Variants in NSD3 observed in about 807,000 individuals in gnomAD.
The protein encoded by NSD3 is nuclear receptor binding SET domain protein 3.
A neutral mutation model predicts 160.8 loss-of-function variants in NSD3; 24 were observed. That is an observed-to-expected ratio of 0.15 (90% CI 0.11 to 0.21). The LOEUF is 0.21. NSD3 is among the 10% of genes least tolerant of loss of function. The probability of loss-of-function intolerance (pLI) is 1.00; values close to 1 mark genes in which losing one functional copy is unlikely to be tolerated. For missense variants in NSD3, 1,157 were observed against 1,735.9 expected, an observed-to-expected ratio of 0.67 and a Z score of 5.93; for synonymous variants, 520 against 600.0, an observed-to-expected ratio of 0.87 and a Z score of 1.95.
At chr8:38,287,925 G>T (rs1808904037) in intron 19 of NSD3, among the ~76,000 whole-genome samples, 1 of 152,100 alleles carries the variant, frequency 6.6e-6, no homozygotes, top group African/African-American at 2.4e-5. Flanking sequence ...TTTTTTAAAA[G>T]GTAGAAAAAT....
intron 4 of NSD3, among the ~76,000 whole-genome samples, chr8:38,333,126 A>G (rs577192887): frequency 6.6e-6 from 1 of 152,356 alleles, no homozygotes; most frequent in South Asian, 2.1e-4. Flanking sequence ...TTCAGATTAA[A>G]AAAACATAGT....
chr8:38,346,360 T>C (rs555538235), intron 2 of NSD3, among the ~76,000 whole-genome samples: 321 of 147,284 alleles, frequency 2.2e-3, no homozygotes, highest in African/African-American at 7.6e-3. Flanking sequence ...ATATAGTATA[T>C]GTATATATGT....
chr8:38,315,145 T>A (rs758776785), intron 11 of NSD3, among the ~76,000 whole-genome samples: 6 of 152,224 alleles, frequency 3.9e-5, no homozygotes, highest in Non-Finnish European at 8.8e-5. Context: ...GTTATTACTT[T>A]AAAATTTTGA....
chr8:38,283,026 T>C (rs1808768468), intron 19 of NSD3, among the ~76,000 whole-genome samples: 1 of 152,202 alleles, frequency 6.6e-6, no homozygotes, highest in South Asian at 2.1e-4. Context: ...TGTTTCCTTA[T>C]TAAGGAAACT....
intron 1 of NSD3, among the ~76,000 whole-genome samples, chr8:38,376,766 A>G (rs960208485): frequency 2.0e-5 from 3 of 152,106 alleles, no homozygotes; most frequent in African/African-American, 7.2e-5. Flanking sequence ...AGGAAGTAAT[A>G]GGTTGTGCTG....
intron 2 of NSD3, among the ~76,000 whole-genome samples, chr8:38,346,849 GA>G (rs1173521253): frequency 1.3e-5 from 2 of 152,074 alleles, no homozygotes; most frequent in African/African-American, 4.8e-5. Flanking sequence ...TCAAAGTTTA[GA>G]AAACATTTGC....
At chr8:38,287,570 C>G (rs1442692129) in intron 19 of NSD3, among the ~76,000 whole-genome samples, 1 of 152,086 alleles carries the variant, frequency 6.6e-6, no homozygotes, top group Non-Finnish European at 1.5e-5. Context: ...TTTCACTCTG[C>G]TATCTTTTTT....
At chr8:38,326,900 C>A (rs758544231) in intron 6 of NSD3, 44 bp from the exon 7 acceptor site, 1 of 1,607,850 alleles carries the variant, frequency 6.2e-7, no homozygotes, top group Non-Finnish European at 8.5e-7. Flanking sequence ...CAGGTGATTA[C>A]CAGGCAAGTG....
chr8:38,298,434 T>A (rs1056246302), intron 15 of NSD3, among the ~76,000 whole-genome samples: 8 of 152,140 alleles, frequency 5.3e-5, no homozygotes, highest in African/African-American at 1.7e-4. Context: ...TTTCTTTTAG[T>A]CATGAGTTGC....
chr8:38,276,896 C>G (rs1808613509), intron 22 of NSD3, among the ~76,000 whole-genome samples: 1 of 152,064 alleles, frequency 6.6e-6, no homozygotes, highest in Admixed American at 6.6e-5. Context: ...CTACATTGCC[C>G]AGGCTGGTCT....
chr8:38,350,615 G>GAGT (rs1810668180), intron 1 of NSD3, among the ~76,000 whole-genome samples: 1 of 152,034 alleles, frequency 6.6e-6, no homozygotes, highest in Admixed American at 6.5e-5. Context: ...GAAGCATCTG[G>GAGT]AGTACTTTTA....
intron 19 of NSD3, among the ~76,000 whole-genome samples, chr8:38,284,027 C>T (rs776236002): frequency 3.3e-5 from 5 of 152,166 alleles, no homozygotes; most frequent in South Asian, 4.1e-4. Flanking sequence ...CACTTGAGCC[C>T]GAGAGTTCAA....
chr8:38,346,411 T>C (rs896819563), intron 2 of NSD3, among the ~76,000 whole-genome samples: 5 of 148,296 alleles, frequency 3.4e-5, no homozygotes, highest in Admixed American at 6.8e-5. Context: ...TATATGTATA[T>C]ATGTGTATAT....
chr8:38,329,944 T>A lies in NSD3; in HGVS notation c.1066-51A>T. 1 of 1,501,920 alleles carries A rather than the reference T, an allele frequency of 6.7e-7. No individual in the cohort carries two copies. The highest frequency in any genetic ancestry group is 8.8e-7 in the Non-Finnish European group (1 of 1,132,668). The allele number at this position is 1,501,920 out of a possible 1,614,324, so 93.0% of individuals were successfully genotyped here. Reference sequence around the variant, plus strand: ...ACATGCTTTACTCTAATAGGTACATTAAAATTGATATGTATTTCCCATGTG... The same window carrying A: ...ACATGCTTTACTCTAATAGGTACATAAAAATTGATATGTATTTCCCATGTG... On this transcript the variant is annotated intron_variant, in intron 5 of 23. Transcript: ENST00000317025. The surrounding 1 kb of genome is among the most constrained non-coding windows in gnomAD (Gnocchi z 4.8).
rs114839484 is a variant in NSD3 at position 38,373,528 on chromosome 8, T to C, written c.-45+8271A>G. The stretch of plus-strand genomic sequence containing the variant: ...TTTTTGTTTGTTTTTTACATATAGC[T>C]TTCTTAAGCCTCCACAGCTAAGAGA... On this transcript the variant is annotated intron_variant, in intron 1 of 23. Coordinates refer to ENST00000317025, the MANE Select transcript of NSD3 (RefSeq NM_023034.2). Among the ~76,000 whole-genome samples the C allele has an allele frequency of 1.7e-3, 262 of 152,336 alleles. 3 individuals carry two copies. The highest frequency in any genetic ancestry group is 5.8e-3 in the African/African-American group (241 of 41,580).
chr8:38,324,043 G>C (rs139619805), intron 7 of NSD3, among the ~76,000 whole-genome samples: 8 of 152,212 alleles, frequency 5.3e-5, no homozygotes, highest in African/African-American at 1.7e-4. Context: ...TAACAAAACT[G>C]ACATACCTAA....
In NSD3 at chr8:38,315,983, C is replaced by T; in HGVS notation, c.1915G>A (p.Asp639Asn). 6.2e-7 allele frequency: 1 copy of T among 1,613,598 alleles called. No homozygotes were observed. Among genetic ancestry groups the T allele is most frequent in the Non-Finnish European group, 8.5e-7 (1 of 1,180,002 alleles). Residue 639 changes from aspartate (D) to asparagine (N), a missense_variant, in exon 10 of 24, where the codon GAT (aspartate) becomes AAT (asparagine). Transcript: ENST00000317025. ...TATGCTGAACTAGTCATTTCTACATCAGTTGAGGCGCGACTCCTTTTCTTT... is the reference window on the plus strand; with the variant it reads ...TATGCTGAACTAGTCATTTCTACATTAGTTGAGGCGCGACTCCTTTTCTTT... ...PLKKRSRAST[D>N]VEMTSSAYRD...
chr8:38,318,628 A>G lies in NSD3; in HGVS notation c.1855+267T>C, dbSNP rs2131024278. Among the ~76,000 whole-genome samples the G allele has an allele frequency of 6.6e-6, 1 of 152,274 alleles. No individual in the cohort carries two copies. The highest frequency in any genetic ancestry group is 1.5e-5 in the Non-Finnish European group (1 of 68,020). Reference sequence around the variant, plus strand: ...AGTTTATAAGCCAGTGAAACCCCAGAATCTTATGGAGAAAAGTTGGAAACA... The same window carrying G: ...AGTTTATAAGCCAGTGAAACCCCAGGATCTTATGGAGAAAAGTTGGAAACA... On this transcript the variant is annotated intron_variant, in intron 9 of 23. Coordinates refer to ENST00000317025, the MANE Select transcript of NSD3 (RefSeq NM_023034.2). The surrounding 1 kb of genome is among the most constrained non-coding windows in gnomAD (Gnocchi z 5.3).
At chr8:38,349,305 C>T (rs975661044) in intron 1 of NSD3, among the ~76,000 whole-genome samples, 2 of 152,012 alleles carry the variant, frequency 1.3e-5, no homozygotes, top group African/African-American at 4.8e-5. Context: ...AATACGTCTG[C>T]AGAAAACCTC....
Sources: gnomAD v4.1 joint callset for allele counts (sites outside exome capture counted in the v4.1 genomes callset) on GRCh38, gnomAD v4.1.1 for gene constraint, Gnocchi (gnomAD v3.1) non-coding constraint, MANE v1.5 for transcripts, NCBI Gene and HGNC (gene_info 2026-07-23, HGNC 2026-07-21) for gene names.